PCSK5: variants seen among roughly 807,000 people sequenced by gnomAD.
PCSK5 encodes the protein proprotein convertase subtilisin/kexin type 5, also known as prohormone convertase 5.
In PCSK5, 129 loss-of-function variants were observed where a neutral mutation model predicts 233.2. The observed-to-expected ratio is 0.55, with a 90% CI of 0.48 to 0.64. PCSK5 has a LOEUF of 0.64. Among genes scored for constraint, PCSK5 ranks in the 30% least tolerant of loss-of-function variants. The pLI is 0.00. For missense variants in PCSK5, 2,076 were observed against 2,430.1 expected, an observed-to-expected ratio of 0.85 and a Z score of 3.06; for synonymous variants, 825 against 879.2, an observed-to-expected ratio of 0.94 and a Z score of 1.09.
chr9:76,020,721 GT>G (rs1464217700), intron 3 of PCSK5, among the ~76,000 whole-genome samples: 1 of 152,192 alleles, frequency 6.6e-6, no homozygotes, highest in Non-Finnish European at 1.5e-5. Context: ...TAACACGCAT[GT>G]TTTCCGTAGA....
At chr9:76,135,390 A>T (rs1343683064) in intron 10 of PCSK5, among the ~76,000 whole-genome samples, 1 of 152,116 alleles carries the variant, frequency 6.6e-6, no homozygotes. Context: ...TTTGATTAAT[A>T]TCTTCACAGA....
intron 12 of PCSK5, among the ~76,000 whole-genome samples, chr9:76,163,472 T>TGC (rs1822957434): frequency 6.6e-6 from 1 of 152,176 alleles, no homozygotes; most frequent in African/African-American, 2.4e-5. Flanking sequence ...CCGGCGTGCA[T>TGC]GCTCCCCTGG....
intron 9 of PCSK5, among the ~76,000 whole-genome samples, chr9:76,111,590 T>G (rs1324132789): frequency 1.3e-5 from 2 of 152,170 alleles, no homozygotes; most frequent in Admixed American, 1.3e-4. Context: ...TTTTCTGGAT[T>G]TTTTTTGGTA....
chr9:76,193,418 AAGCC>A (rs1167455383), intron 20 of PCSK5: 123 of 1,184,840 alleles, frequency 1.0e-4, no homozygotes, highest in South Asian at 2.2e-4. Context: ...AAAAAGAAAA[AAGCC>A]AAAAAGAAAA....
At position 76,128,053 on chromosome 9, in the gene PCSK5, G is replaced by A. The variant is rs67546252; in HGVS notation, c.1209-6056G>A. Among the ~76,000 whole-genome samples the A allele has an allele frequency of 2.0e-5, 3 of 152,104 alleles. No individual in the cohort carries two copies. In the East Asian group the frequency reaches 5.8e-4, roughly 29 times the overall value. On this transcript the variant is annotated intron_variant, in intron 9 of 37. Transcript: ENST00000674117. ...TTTTGAATGAGAAATAGAAATGAGG[G>A]GGGTAACCATGTCTTCCTGCAGGAC...
chr9:75,981,088 G>C (rs1826254561), intron 2 of PCSK5, among the ~76,000 whole-genome samples: 1 of 152,120 alleles, frequency 6.6e-6, no homozygotes. Context: ...CCTGGCAACT[G>C]TTTCATTCAA....
intron 15 of PCSK5, among the ~76,000 whole-genome samples, chr9:76,180,511 T>C (rs1227434059): frequency 1.3e-5 from 2 of 152,072 alleles, no homozygotes; most frequent in African/African-American, 4.8e-5. Context: ...GAGCCCCTGG[T>C]GTCTGCTTGA....
intron 36 of PCSK5, among the ~76,000 whole-genome samples, chr9:76,352,012 T>C (rs1312005255): frequency 6.6e-6 from 1 of 152,178 alleles, no homozygotes; most frequent in Non-Finnish European, 1.5e-5. Context: ...AGAGGGTTCT[T>C]GGATCTCACA....
chr9:76,298,688 G>A (rs1828518563), intron 27 of PCSK5, among the ~76,000 whole-genome samples: 1 of 152,040 alleles, frequency 6.6e-6, no homozygotes, highest in Non-Finnish European at 1.5e-5. Context: ...GGAGAGGAGA[G>A]GCTTCCAGAG....
At chr9:76,231,218 G>A (rs1826067677) in intron 21 of PCSK5, among the ~76,000 whole-genome samples, 1 of 152,028 alleles carries the variant, frequency 6.6e-6, no homozygotes, top group Admixed American at 6.5e-5. Flanking sequence ...GAGCAAAGGG[G>A]GAAAATCCCT....
At chr9:75,999,631 G>C (rs917769121) in intron 3 of PCSK5, among the ~76,000 whole-genome samples, 2 of 152,222 alleles carry the variant, frequency 1.3e-5, no homozygotes, top group Non-Finnish European at 2.9e-5. Context: ...TTCCGCCCTG[G>C]GTGGCCCAGG....
chr9:76,189,040 A>G (rs201479008), intron 18 of PCSK5, 54 bp from the exon 19 acceptor site: 12 of 1,565,554 alleles, frequency 7.7e-6, no homozygotes, highest in Non-Finnish European at 1.0e-5. Flanking sequence ...AGCCCATGAC[A>G]CCACCTCCTC....
intron 1 of PCSK5, among the ~76,000 whole-genome samples, chr9:75,897,935 A>G (rs1304453218): frequency 6.6e-6 from 1 of 152,184 alleles, no homozygotes; most frequent in Admixed American, 6.5e-5. Flanking sequence ...AGTGTCAAAA[A>G]TCAACCCCAA....
intron 2 of PCSK5, among the ~76,000 whole-genome samples, chr9:75,980,289 G>A (rs933881418): frequency 2.0e-5 from 3 of 152,124 alleles, no homozygotes; most frequent in African/African-American, 7.2e-5. Flanking sequence ...CTTAGAGAAA[G>A]CCAACCAAAT....
intron 20 of PCSK5, among the ~76,000 whole-genome samples, chr9:76,202,132 A>G (rs1226973223): frequency 6.6e-6 from 1 of 152,212 alleles, no homozygotes; most frequent in Non-Finnish European, 1.5e-5. Flanking sequence ...CAAATATGGC[A>G]GAAACCGGAA....
intron 24 of PCSK5, among the ~76,000 whole-genome samples, chr9:76,273,619 T>A (rs910348220): frequency 7.0e-6 from 1 of 142,330 alleles, no homozygotes; most frequent in Non-Finnish European, 1.5e-5. Context: ...TTGAAATTAA[T>A]CATGGGGATT....
At chr9:75,997,204 G>A (rs1178833937) in intron 3 of PCSK5, among the ~76,000 whole-genome samples, 1 of 152,172 alleles carries the variant, frequency 6.6e-6, no homozygotes. Flanking sequence ...AGGTGATTTT[G>A]CCTTCAGATG....
intron 2 of PCSK5, among the ~76,000 whole-genome samples, chr9:75,969,251 G>T (rs974479793): frequency 2.0e-5 from 3 of 152,180 alleles, no homozygotes; most frequent in African/African-American, 7.2e-5. Flanking sequence ...AAGTAGGTCC[G>T]CAAGTTTCAG....
chr9:75,891,072 C>CGGCGGCCCGGGGCTGCGAGCTGA lies in PCSK5; in HGVS notation c.-94_-93insGAGCTGAGGCGGCCCGGGGCTGC. On this transcript the variant is annotated 5_prime_UTR_variant, in exon 1 of 38. Transcript: ENST00000674117. ...GCCGATCGCCCGGGGCTGCGAGCTGCGGCGGCCCGGGGCTGCTCGCCGGGC... is the reference window on the plus strand; with the variant it reads ...GCCGATCGCCCGGGGCTGCGAGCTGCGGCGGCCCGGGGCTGCGAGCTGAGGCGGCCCGGGGCTGCTCGCCGGGC... The CGGCGGCCCGGGGCTGCGAGCTGA allele has an allele frequency of 1.9e-6, 2 of 1,033,022 alleles. No homozygotes were observed. The highest frequency in any genetic ancestry group is 2.6e-6 in the Non-Finnish European group (2 of 778,520). 64.0% of individuals were successfully genotyped at this position (1,033,022 alleles called of 1,614,324 possible). A position where few individuals can be genotyped will look rare whatever the true frequency, so the allele number is the denominator to read the frequency against.
Sources: gnomAD v4.1 joint callset for allele counts (sites outside exome capture counted in the v4.1 genomes callset) on GRCh38, gnomAD v4.1.1 for gene constraint, MANE v1.5 for transcripts, NCBI Gene and HGNC (gene_info 2026-07-23, HGNC 2026-07-21) for gene names.